The following KIF26B variants were observed in gnomAD, a reference collection of about 807,000 sequenced individuals.
KIF26B encodes the protein kinesin-like protein KIF26B.
In KIF26B, 63 loss-of-function variants were observed where a neutral mutation model predicts 151.2. The ratio of observed to expected loss-of-function variants is 0.42; its 90% CI spans 0.34 to 0.51. The LOEUF is 0.51. Ranked by LOEUF, KIF26B falls within the 20% of genes least tolerant of loss-of-function variation. The pLI, the probability that KIF26B is intolerant of heterozygous loss-of-function variation, is 0.07. For synonymous variants in KIF26B, 1,357 were observed against 1,262.1 expected (o/e 1.08, Z -1.59); for missense variants, 2,813 against 2,913.6 (o/e 0.97, Z 0.79).
At chr1:245,178,908 C>T (rs901410605) in intron 2 of KIF26B, among the ~76,000 whole-genome samples, 1 of 151,802 alleles carries the variant, frequency 6.6e-6, no homozygotes, top group African/African-American at 2.4e-5. Flanking sequence ...AGGCACCTGA[C>T]GTTGGACTTG....
At chr1:245,267,613 T>C (rs12732812) in intron 2 of KIF26B, among the ~76,000 whole-genome samples, 20,498 of 145,854 alleles carry the variant, frequency 0.14, 1,626 homozygotes, top group Middle Eastern at 0.21. Context: ...GAACAGATAC[T>C]ACTGGCGACA....
At chr1:245,612,097 TGTGTGTGTGAGAGAGAGA>T (rs1199273446) in intron 9 of KIF26B, 121 bp downstream of exon 9, 35 of 654,640 alleles carry the variant, frequency 5.3e-5, no homozygotes, top group African/African-American at 4.8e-4. Context: ...TGTGTGTGTG[TGTGTGTGTGAGAGAGAGA>T]GAGAGAGAGA....
At chr1:245,520,039 T>A (rs894266705) in intron 4 of KIF26B, among the ~76,000 whole-genome samples, 1 of 151,724 alleles carries the variant, frequency 6.6e-6, no homozygotes, top group Admixed American at 6.6e-5. Flanking sequence ...CCTGAAAATA[T>A]AATTTTGAAA....
Position 245,488,202 on chromosome 1 carries a change from G to A in KIF26B, c.1167-52565G>A, listed in dbSNP as rs1378983012. Reference sequence around the variant, plus strand: ...CTCCCAAAGCACTGAGATTACCAGCGTGAGCCACCACACTGGCCAACCCAG... The same window carrying A: ...CTCCCAAAGCACTGAGATTACCAGCATGAGCCACCACACTGGCCAACCCAG... On this transcript the variant is annotated intron_variant, in intron 4 of 14. Coordinates refer to ENST00000407071, the MANE Select transcript of KIF26B (RefSeq NM_018012.4). The surrounding 1 kb of genome is among the most constrained non-coding windows in gnomAD (Gnocchi z 4.6). 2.6e-5 allele frequency among the ~76,000 whole-genome samples: 4 copies of A among 152,018 alleles called. No individual in the cohort carries two copies. The highest frequency in any genetic ancestry group is 9.7e-5 in the African/African-American group (4 of 41,382).
intron 2 of KIF26B, among the ~76,000 whole-genome samples, chr1:245,233,175 T>C (rs1350963607): frequency 6.6e-6 from 1 of 152,186 alleles, no homozygotes; most frequent in Admixed American, 6.5e-5. Flanking sequence ...ATGAAATGAT[T>C]AGGACACATT....
chr1:245,391,633 G>A (rs1433623585), intron 3 of KIF26B, among the ~76,000 whole-genome samples: 1 of 144,736 alleles, frequency 6.9e-6, no homozygotes, highest in Non-Finnish European at 1.5e-5. Flanking sequence ...TCCAGCCTGA[G>A]TGACAAAGTA....
Position 245,169,262 on chromosome 1 carries a change from C to T in KIF26B, c.465+12579C>T, listed in dbSNP as rs919638240. Among the ~76,000 whole-genome samples the T allele has an allele frequency of 4.0e-5, 6 of 151,822 alleles. 1 individual carries two copies. The highest frequency in any genetic ancestry group is 4.2e-4 in the South Asian group (2 of 4,808). On this transcript the variant is annotated intron_variant, in intron 2 of 14. Coordinates refer to ENST00000407071, the MANE Select transcript of KIF26B (RefSeq NM_018012.4). ...TTGCCTGTGTCCTCAGACATTCTAC[C>T]CTTTATTTCTCCTCTTGTTCTTTGC...
intron 10 of KIF26B, among the ~76,000 whole-genome samples, chr1:245,668,397 C>G (rs1235915763): frequency 6.6e-6 from 1 of 152,126 alleles, no homozygotes; most frequent in African/African-American, 2.4e-5. Context: ...AAATAAACAT[C>G]ACTAAAAAAC....
rs548316578 is a variant in KIF26B at position 245,405,624 on chromosome 1, G to GTTT, written c.1000-13945_1000-13943dup. On this transcript the variant is annotated intron_variant, in intron 3 of 14. Transcript: ENST00000407071. ...AGAGTTCTGCTGTCCTATTGATGTT[G>GTTT]TTTTTTTTTTTTGTATGCATGAATA... Among the ~76,000 whole-genome samples, 698 of 144,854 alleles carry GTTT rather than the reference G, an allele frequency of 4.8e-3. 10 individuals are homozygous for GTTT. The highest frequency in any genetic ancestry group is 0.016 in the African/African-American group (623 of 39,766).
At chr1:245,382,348 G>A (rs1347228364) in intron 3 of KIF26B, among the ~76,000 whole-genome samples, 1 of 152,048 alleles carries the variant, frequency 6.6e-6, no homozygotes, top group African/African-American at 2.4e-5. Context: ...TTGGCCATTG[G>A]TAAGCTGAGT....
At position 245,706,987 on chromosome 1, in the gene KIF26B, G is replaced by C. The variant is rs951738604; in HGVS notation, c.*4381G>C. ...ACATTGGTGGGTAACAGCTTATAAA[G>C]TGCATCACTTAGTAATCTTCCTGAC... On this transcript the variant is annotated 3_prime_UTR_variant, in exon 15 of 15. Transcript: ENST00000407071. 1.3e-5 allele frequency: 2 copies of C among 152,174 alleles called. No individual in the cohort carries two copies. The highest frequency in any genetic ancestry group is 3.8e-4 in the East Asian group (2 of 5,202). The allele number at this position is 152,174 out of a possible 1,614,324, so 9.4% of individuals were successfully genotyped here.
At chr1:245,413,815 G>GTCCTGA (rs1674350794) in intron 3 of KIF26B, among the ~76,000 whole-genome samples, 1 of 152,204 alleles carries the variant, frequency 6.6e-6, no homozygotes, top group Admixed American at 6.5e-5. Context: ...GGGGAGAGTG[G>GTCCTGA]AGGGAGGGAG....
intron 2 of KIF26B, among the ~76,000 whole-genome samples, chr1:245,210,508 C>T (rs200570699): frequency 5.0e-4 from 65 of 129,728 alleles, no homozygotes; most frequent in Non-Finnish European, 6.9e-4. Context: ...ATATCCTAAG[C>T]TTTTTTTTTT....
chr1:245,658,522 C>T (rs1450423523), intron 10 of KIF26B, among the ~76,000 whole-genome samples: 4 of 152,144 alleles, frequency 2.6e-5, no homozygotes, highest in Admixed American at 2.6e-4. Context: ...TCCCATGTAG[C>T]TGGGACTACA....
intron 2 of KIF26B, among the ~76,000 whole-genome samples, chr1:245,335,065 T>C (rs1339358113): frequency 6.6e-6 from 1 of 152,158 alleles, no homozygotes; most frequent in Admixed American, 6.5e-5. Flanking sequence ...CTAAAACCAC[T>C]GAGGCCCAGC....
rs551743861 is a variant in KIF26B at position 245,667,646 on chromosome 1, G to A, written c.2259-16587G>A. ...CGACTTTATGCCGGACACTGTGTTAGGTCCTGGCTATACAGGAAGAAGAGA... is the reference window on the plus strand; with the variant it reads ...CGACTTTATGCCGGACACTGTGTTAAGTCCTGGCTATACAGGAAGAAGAGA... On this transcript the variant is annotated intron_variant, in intron 10 of 14. Transcript: ENST00000407071. This position sits in a 1 kb window ranked among gnomAD's most constrained non-coding sequence, Gnocchi z 4.3. Among the ~76,000 whole-genome samples, 1 of 152,284 alleles carries A rather than the reference G, an allele frequency of 6.6e-6. No homozygotes were observed. The highest frequency in any genetic ancestry group is 2.4e-5 in the African/African-American group (1 of 41,562).
At chr1:245,361,075 G>C (rs1449858770) in intron 2 of KIF26B, among the ~76,000 whole-genome samples, 1 of 152,186 alleles carries the variant, frequency 6.6e-6, no homozygotes, top group African/African-American at 2.4e-5. Context: ...TTTATGAACT[G>C]TTCTTAATCA....
intron 5 of KIF26B, among the ~76,000 whole-genome samples, chr1:245,542,614 C>T (rs1191716970): frequency 2.6e-5 from 4 of 152,190 alleles, no homozygotes; most frequent in Non-Finnish European, 5.9e-5. Flanking sequence ...TGGGAGCCCC[C>T]GAGGAGGGGC....
At chr1:245,441,929 G>A (rs1413451045) in intron 4 of KIF26B, among the ~76,000 whole-genome samples, 2 of 152,176 alleles carry the variant, frequency 1.3e-5, no homozygotes, top group Non-Finnish European at 2.9e-5. Flanking sequence ...ACTGGCAGAC[G>A]GAAGCAGGGG....
Sources: allele counts gnomAD v4.1 joint callset (sites outside exome capture counted in the v4.1 genomes callset), GRCh38; gene constraint gnomAD v4.1.1; non-coding constraint Gnocchi (gnomAD v3.1); transcripts MANE v1.5; gene names NCBI Gene and HGNC (gene_info 2026-07-23, HGNC 2026-07-21).